NRG1: variants seen among roughly 807,000 people sequenced by gnomAD.
NRG1 encodes neuregulin 1.
NRG1 carries 18 observed loss-of-function variants against 63.8 expected under a neutral mutation model. The ratio of observed to expected loss-of-function variants is 0.28; its 90% CI spans 0.19 to 0.42. NRG1 has a LOEUF of 0.42. Among genes scored for constraint, NRG1 ranks in the 10% least tolerant of loss-of-function variants. NRG1 has a pLI of 1.00. For missense variants in NRG1, 762 were observed against 814.7 expected (o/e 0.94, Z 0.79); for synonymous variants, 302 against 301.3 (o/e 1.00, Z -0.02).
At chr8:32,330,906 C>A (rs1202342222) in intron 1 of NRG1, among the ~76,000 whole-genome samples, 1 of 152,074 alleles carries the variant, frequency 6.6e-6, no homozygotes, top group African/African-American at 2.4e-5. Flanking sequence ...TTATTCTCTT[C>A]TGATTATATT....
At chr8:32,735,063 A>G (rs1824657405) in intron 6 of NRG1, among the ~76,000 whole-genome samples, 1 of 152,212 alleles carries the variant, frequency 6.6e-6, no homozygotes, top group Non-Finnish European at 1.5e-5. Context: ...GTACAATGAA[A>G]GACCTAGTCA....
intron 1 of NRG1, among the ~76,000 whole-genome samples, chr8:32,504,234 A>G (rs891517793): frequency 2.6e-5 from 4 of 152,068 alleles, no homozygotes; most frequent in Non-Finnish European, 2.9e-5. Flanking sequence ...TTAGAGAGAC[A>G]GTTAAGGACT....
chr8:32,371,197 G>A (rs752909664), intron 1 of NRG1, among the ~76,000 whole-genome samples: 3 of 152,176 alleles, frequency 2.0e-5, no homozygotes, highest in Non-Finnish European at 2.9e-5. Context: ...GGACAACAGA[G>A]CAGAACACTG....
chr8:32,173,487 A>T (rs550424409), intron 1 of NRG1, among the ~76,000 whole-genome samples: 3 of 152,266 alleles, frequency 2.0e-5, no homozygotes, highest in East Asian at 3.9e-4. Context: ...TTCACACATA[A>T]CAATATTAAC....
rs10104118 is a variant in NRG1 at position 31,663,155 on chromosome 8, G to T, written c.37+23724G>T. Among the ~76,000 whole-genome samples the T allele has an allele frequency of 1.9e-3, 282 of 152,298 alleles. 3 individuals are homozygous for T. Among genetic ancestry groups the T allele is most frequent in the African/African-American group, 6.5e-3 (272 of 41,564 alleles). On this transcript the variant is annotated intron_variant, in intron 1 of 10. Transcript: ENST00000519301. Reference sequence around the variant, plus strand: ...AGAAGCTCCCTGAGACTGGTTTGGTGTAAGGGCTGTCAGTCTGCTCCACAA... The same window carrying T: ...AGAAGCTCCCTGAGACTGGTTTGGTTTAAGGGCTGTCAGTCTGCTCCACAA...
intron 1 of NRG1, among the ~76,000 whole-genome samples, chr8:32,262,348 T>A (rs1230264254): frequency 1.3e-5 from 2 of 152,062 alleles, no homozygotes; most frequent in Non-Finnish European, 2.9e-5. Flanking sequence ...ACAGAAGAAG[T>A]CCAACTTATT....
At position 31,688,754 on chromosome 8, in the gene NRG1, A is replaced by G. The variant is rs151142226; in HGVS notation, c.37+49323A>G. On this transcript the variant is annotated intron_variant, in intron 1 of 10. Coordinates refer to the NRG1 transcript ENST00000519301. ...TGGGGGTAAACAAGAAGAGAGAATG[A>G]TAGTTTTCAATTTTTGTTTTGTATG... 1.5e-3 allele frequency among the ~76,000 whole-genome samples: 224 copies of G among 152,322 alleles called. 1 individual carries two copies. The highest frequency in any genetic ancestry group is 5.1e-3 in the African/African-American group (213 of 41,584).
intron 1 of NRG1, among the ~76,000 whole-genome samples, chr8:32,234,831 T>C (rs950464284): frequency 6.6e-6 from 1 of 152,142 alleles, no homozygotes; most frequent in African/African-American, 2.4e-5. Flanking sequence ...CTGATACTAA[T>C]TATATTAATT....
chr8:32,265,398 T>C (rs1850817304), intron 1 of NRG1, among the ~76,000 whole-genome samples: 1 of 152,128 alleles, frequency 6.6e-6, no homozygotes, highest in South Asian at 2.1e-4. Flanking sequence ...GTCTGTGTGA[T>C]ATTTATCATA....
chr8:31,940,625 A>G (rs1242274251), intron 1 of NRG1, among the ~76,000 whole-genome samples: 1 of 152,138 alleles, frequency 6.6e-6, no homozygotes, highest in Non-Finnish European at 1.5e-5. Context: ...TTCTTTGAAA[A>G]TGTGAATGAA....
intron 1 of NRG1, among the ~76,000 whole-genome samples, chr8:32,568,424 T>A (rs1484055217): frequency 6.6e-6 from 1 of 152,208 alleles, no homozygotes; most frequent in Non-Finnish European, 1.5e-5. Flanking sequence ...TCATCAGGCT[T>A]ATTCTTAAAA....
chr8:32,118,860 G>A (rs1301457692), intron 1 of NRG1, among the ~76,000 whole-genome samples: 1 of 151,976 alleles, frequency 6.6e-6, no homozygotes, highest in African/African-American at 2.4e-5. Context: ...CCAGCTCCTT[G>A]TACCTCATCT....
At chr8:31,757,879 A>G (rs1817136174) in intron 1 of NRG1, among the ~76,000 whole-genome samples, 1 of 152,002 alleles carries the variant, frequency 6.6e-6, no homozygotes, top group Admixed American at 6.6e-5. Context: ...TCATTCTAGA[A>G]ATTTCTTTAT....
intron 1 of NRG1, among the ~76,000 whole-genome samples, chr8:31,756,200 T>G (rs1816950096): frequency 6.6e-6 from 1 of 152,130 alleles, no homozygotes; most frequent in South Asian, 2.1e-4. Flanking sequence ...GAACATCAGC[T>G]TTTTGTATCA....
intron 1 of NRG1, among the ~76,000 whole-genome samples, chr8:31,816,329 G>A (rs1250497884): frequency 2.6e-5 from 4 of 152,024 alleles, no homozygotes; most frequent in South Asian, 2.1e-4. Flanking sequence ...TTCCGATGAC[G>A]GTCTACCCCA....
intron 1 of NRG1, among the ~76,000 whole-genome samples, chr8:32,509,960 C>G (rs993682110): frequency 6.6e-6 from 1 of 152,158 alleles, no homozygotes; most frequent in Admixed American, 6.5e-5. Flanking sequence ...GTGGCCTTGC[C>G]TGTGAAAATC....
chr8:32,005,962 T>C (rs950593166), intron 1 of NRG1, among the ~76,000 whole-genome samples: 2 of 152,004 alleles, frequency 1.3e-5, no homozygotes, highest in Non-Finnish European at 2.9e-5. Context: ...GCAGAGTGAA[T>C]TTCTCTCACT....
chr8:32,110,840 A>C (rs925450224), intron 1 of NRG1, among the ~76,000 whole-genome samples: 5 of 152,158 alleles, frequency 3.3e-5, no homozygotes, highest in African/African-American at 1.2e-4. Context: ...GATGAAGTAG[A>C]ATGATGCGGT....
chr8:32,701,124 A>G (rs1055627567), intron 5 of NRG1, among the ~76,000 whole-genome samples: 4 of 152,070 alleles, frequency 2.6e-5, no homozygotes, highest in African/African-American at 9.7e-5. Flanking sequence ...TTCTCAGAGC[A>G]CCCTGATTTT....
Sources: gnomAD v4.1 joint callset for allele counts (sites outside exome capture counted in the v4.1 genomes callset) on GRCh38, gnomAD v4.1.1 for gene constraint, MANE v1.5 for transcripts, NCBI Gene and HGNC (gene_info 2026-07-23, HGNC 2026-07-21) for gene names.